Variants in RAPGEF2 observed in about 807,000 individuals in gnomAD.
RAPGEF2 encodes the protein Rap guanine nucleotide exchange factor 2, also known as PDZ domain containing guanine nucleotide exchange factor (GEF) 1.
A neutral mutation model predicts 186.7 loss-of-function variants in RAPGEF2; 54 were observed. The observed-to-expected ratio is 0.29, with a 90% confidence interval of 0.23 to 0.36. The LOEUF is 0.36. Ranked by LOEUF, RAPGEF2 falls within the 10% of genes least tolerant of loss-of-function variation. The pLI is 1.00. For missense variants in RAPGEF2, 1,532 were observed against 2,045.0 expected (o/e 0.75, Z 4.84); for synonymous variants, 712 against 705.9 (o/e 1.01, Z -0.14).
chr4:159,304,520 A>C (rs1013220357), intron 8 of RAPGEF2, 47 bp downstream of exon 8: 13 of 1,527,434 alleles, frequency 8.5e-6, no homozygotes, highest in Non-Finnish European at 1.2e-5. Flanking sequence ...CATTTATTCC[A>C]AGAAATTTTA....
intron 7 of RAPGEF2, among the ~76,000 whole-genome samples, chr4:159,279,719 C>T (rs911027824): frequency 6.6e-6 from 1 of 151,984 alleles, no homozygotes; most frequent in African/African-American, 2.4e-5. Flanking sequence ...CTTACTCTCA[C>T]CCAGGCTGGA....
intron 11 of RAPGEF2, among the ~76,000 whole-genome samples, 189 bp downstream of exon 11, chr4:159,323,806 C>T (rs940844303): frequency 6.6e-6 from 1 of 151,206 alleles, no homozygotes; most frequent in South Asian, 2.1e-4. Context: ...GCAACATCTG[C>T]CTCCTGAGTT....
At chr4:159,159,989 A>G (rs189197569) in intron 1 of RAPGEF2, among the ~76,000 whole-genome samples, 166 of 152,362 alleles carry the variant, frequency 1.1e-3, no homozygotes, top group Non-Finnish European at 2.1e-3. Flanking sequence ...AAAAACCCAC[A>G]TTTAAACTCT....
intron 1 of RAPGEF2, among the ~76,000 whole-genome samples, chr4:159,163,563 AAG>A (rs1430105590): frequency 6.6e-6 from 1 of 152,256 alleles, no homozygotes; most frequent in Non-Finnish European, 1.5e-5. Flanking sequence ...GCAAAAATAA[AAG>A]ATCTGATTAA....
chr4:159,325,273 A>G (rs1765768193), intron 11 of RAPGEF2, among the ~76,000 whole-genome samples: 1 of 152,176 alleles, frequency 6.6e-6, no homozygotes, highest in Non-Finnish European at 1.5e-5. Flanking sequence ...TATTTTGTAT[A>G]ATAGAGGAAA....
chr4:159,321,479 A>G (rs905108890), intron 9 of RAPGEF2, among the ~76,000 whole-genome samples: 1 of 152,114 alleles, frequency 6.6e-6, no homozygotes, highest in African/African-American at 2.4e-5. Context: ...AAATGTTAGG[A>G]TTACAGGCAC....
At position 159,299,430 on chromosome 4, in the gene RAPGEF2, T is replaced by TAAA. The variant is rs56009800; in HGVS notation, c.544-4900_544-4898dup. Among the ~76,000 whole-genome samples, 376 of 140,690 alleles carry TAAA rather than the reference T, an allele frequency of 2.7e-3. 1 individual carries two copies. Among genetic ancestry groups the TAAA allele is most frequent in the South Asian group, 5.3e-3 (23 of 4,372 alleles). The allele number at this position is 140,690 out of a possible 152,430, so 92.3% of individuals were successfully genotyped here. On this transcript the variant is annotated intron_variant, in intron 7 of 29. Coordinates refer to ENST00000691494, the MANE Select transcript of RAPGEF2 (RefSeq NM_001394067.2). ...TGGACCATGAAACTCTCTTTTACAT[T>TAAA]AAAAAAAAAAAAAAGACAGAGAGAA...
intron 23 of RAPGEF2, among the ~76,000 whole-genome samples, chr4:159,344,381 A>C (rs1180466411): frequency 6.6e-6 from 1 of 152,054 alleles, no homozygotes; most frequent in Non-Finnish European, 1.5e-5. Context: ...AAGTAGGGGG[A>C]GGGGAGGAAG....
intron 7 of RAPGEF2, among the ~76,000 whole-genome samples, chr4:159,266,174 T>A (rs1757401454): frequency 1.3e-5 from 2 of 151,288 alleles, no homozygotes; most frequent in Admixed American, 1.3e-4. Flanking sequence ...GGATAATGGG[T>A]AATGTAAGAA....
At chr4:159,260,429 T>TC (rs1462238712) in intron 7 of RAPGEF2, among the ~76,000 whole-genome samples, 3 of 152,146 alleles carry the variant, frequency 2.0e-5, no homozygotes, top group African/African-American at 4.8e-5. Context: ...GTGTTTTTTT[T>TC]CCTATGATTC....
chr4:159,298,564 GT>G (rs1762291922), intron 7 of RAPGEF2, among the ~76,000 whole-genome samples: 1 of 152,150 alleles, frequency 6.6e-6, no homozygotes. Flanking sequence ...AGAACTAGTA[GT>G]ACCTGAAATG....
intron 1 of RAPGEF2, among the ~76,000 whole-genome samples, chr4:159,164,852 C>T (rs1376053990): frequency 6.6e-6 from 1 of 152,070 alleles, no homozygotes; most frequent in Non-Finnish European, 1.5e-5. Flanking sequence ...TTTAGCTTTC[C>T]AGCGTATTTT....
chr4:159,299,066 A>G (rs763362281), intron 7 of RAPGEF2, among the ~76,000 whole-genome samples: 8 of 152,232 alleles, frequency 5.3e-5, no homozygotes, highest in Non-Finnish European at 1.0e-4. Context: ...AAACGTGAAC[A>G]TAAAGACTCA....
intron 1 of RAPGEF2, among the ~76,000 whole-genome samples, chr4:159,162,512 A>G (rs1744823398): frequency 6.6e-6 from 1 of 152,148 alleles, no homozygotes; most frequent in Admixed American, 6.5e-5. Flanking sequence ...TTACACTTAA[A>G]ATTCAGGTTT....
chr4:159,161,733 T>C (rs1744727430), intron 1 of RAPGEF2, among the ~76,000 whole-genome samples: 1 of 152,032 alleles, frequency 6.6e-6, no homozygotes, highest in Non-Finnish European at 1.5e-5. Flanking sequence ...TAAAAAAAAT[T>C]TAGATTGTGA....
intron 1 of RAPGEF2, among the ~76,000 whole-genome samples, chr4:159,174,330 A>G (rs574131537): frequency 6.6e-6 from 1 of 152,154 alleles, no homozygotes; most frequent in African/African-American, 2.4e-5. Flanking sequence ...TGAGAGATAA[A>G]CTCTTTGAGA....
chr4:159,104,484 C>G (rs973470588), intron 1 of RAPGEF2, among the ~76,000 whole-genome samples: 1 of 100,750 alleles, frequency 9.9e-6, no homozygotes, highest in Admixed American at 9.5e-5. Flanking sequence ...ACTATGTTGC[C>G]CAGCCGAGAG....
At chr4:159,325,673 G>A (rs1190786785) in intron 11 of RAPGEF2, among the ~76,000 whole-genome samples, 1 of 151,862 alleles carries the variant, frequency 6.6e-6, no homozygotes. Context: ...TAGAAATTTT[G>A]TAAGTATGAG....
At position 159,104,459 on chromosome 4, in the gene RAPGEF2, T is replaced by C. The variant is rs1737560679; in HGVS notation, c.69+228T>C. Reference sequence around the variant, plus strand: ...CTGCTCCTTAACTCTTCCCTCCCCATGACTGACCTTTCCCACTATGTTGCC... The same window carrying C: ...CTGCTCCTTAACTCTTCCCTCCCCACGACTGACCTTTCCCACTATGTTGCC... On this transcript the variant is annotated intron_variant, in intron 1 of 29. Coordinates refer to ENST00000691494, the MANE Select transcript of RAPGEF2 (RefSeq NM_001394067.2). Among the ~76,000 whole-genome samples, 3 of 145,118 alleles carry C rather than the reference T, an allele frequency of 2.1e-5. No individual in the cohort carries two copies. In the South Asian group the frequency reaches 6.7e-4, roughly 32 times the overall value.
Sources: allele counts gnomAD v4.1 joint callset (sites outside exome capture counted in the v4.1 genomes callset), GRCh38; gene constraint gnomAD v4.1.1; transcripts MANE v1.5; gene names NCBI Gene and HGNC (gene_info 2026-07-23, HGNC 2026-07-21).